Variants in MYO6 observed in about 807,000 individuals in gnomAD.
MYO6 encodes unconventional myosin-VI.
In MYO6, 74 loss-of-function variants were observed where a neutral mutation model predicts 178.7. That is an observed-to-expected ratio of 0.41 (90% CI 0.34 to 0.50). MYO6 has a LOEUF of 0.50. Ranked by LOEUF, MYO6 falls within the 20% of genes least tolerant of loss-of-function variation. The pLI, the probability that MYO6 is intolerant of heterozygous loss-of-function variation, is 0.09. For synonymous variants in MYO6, 477 were observed against 504.6 expected (o/e 0.95, Z 0.73); for missense variants, 1,330 against 1,547.4 (o/e 0.86, Z 2.36).
At chr6:75,803,959 T>A (rs920473411) in intron 1 of MYO6, among the ~76,000 whole-genome samples, 34 of 152,190 alleles carry the variant, frequency 2.2e-4, no homozygotes, top group Non-Finnish European at 3.4e-4. Context: ...AGTGGCACGA[T>A]CATGGCTCAC....
At chr6:75,794,025 A>C (rs1768522574) in intron 1 of MYO6, among the ~76,000 whole-genome samples, 1 of 152,244 alleles carries the variant, frequency 6.6e-6, no homozygotes, top group South Asian at 2.1e-4. Flanking sequence ...AAGCAGCCAG[A>C]AGTAATCAGA....
At chr6:75,753,049 T>C (rs1777032193) in intron 1 of MYO6, among the ~76,000 whole-genome samples, 1 of 152,204 alleles carries the variant, frequency 6.6e-6, no homozygotes, top group South Asian at 2.1e-4. Context: ...AAATCTTTTC[T>C]ATGGTCTGTG....
At position 75,828,521 on chromosome 6, in the gene MYO6, T is replaced by G. The variant is rs775902087; in HGVS notation, c.188-19T>G. 6 of 1,380,306 alleles carry G rather than the reference T, an allele frequency of 4.3e-6. No homozygotes were observed. The highest frequency in any genetic ancestry group is 6.2e-6 in the Non-Finnish European group (6 of 968,302). 85.5% of individuals were successfully genotyped at this position (1,380,306 alleles called of 1,614,324 possible). ...TGTTTTCTTCAATTCTCTAATGACA[T>G]ATAAATTTTATGTCTTAGGTTCACT... On this transcript the variant is annotated intron_variant, in intron 3 of 34. Transcript: ENST00000369977.
intron 1 of MYO6, among the ~76,000 whole-genome samples, chr6:75,778,360 C>T (rs1054873077): frequency 2.7e-5 from 4 of 149,824 alleles, no homozygotes; most frequent in Non-Finnish European, 3.0e-5. Context: ...TTTGGGAGGC[C>T]GAGGCAGGCG....
At chr6:75,901,119 C>T (rs1779738205) in intron 30 of MYO6, among the ~76,000 whole-genome samples, 1 of 152,128 alleles carries the variant, frequency 6.6e-6, no homozygotes, top group Admixed American at 6.6e-5. Flanking sequence ...CAGTAGCATG[C>T]TGTTATGGTT....
chr6:75,814,965 A>G (rs1771073162), intron 1 of MYO6, among the ~76,000 whole-genome samples: 1 of 152,068 alleles, frequency 6.6e-6, no homozygotes, highest in South Asian at 2.1e-4. Flanking sequence ...GTGAATATTG[A>G]GTTGCTTACT....
Position 75,871,281 on chromosome 6 carries a change from TC to T in MYO6, c.1983+597del, listed in dbSNP as rs533498197. On this transcript the variant is annotated intron_variant, in intron 19 of 34. Coordinates refer to ENST00000369977, the MANE Select transcript of MYO6 (RefSeq NM_004999.4). ...TTTTGTTTTTGAGACAAGGTCTCAT[TC>T]TCTCTCGCCCAGGCTGGAGTGCAGT... 3.0e-3 allele frequency among the ~76,000 whole-genome samples: 456 copies of T among 152,290 alleles called. 4 individuals carry two copies. The highest frequency in any genetic ancestry group is 0.011 in the African/African-American group (439 of 41,560).
intron 25 of MYO6, among the ~76,000 whole-genome samples, chr6:75,888,295 A>T (rs1778625750): frequency 6.6e-6 from 1 of 151,324 alleles, no homozygotes; most frequent in Non-Finnish European, 1.5e-5. Flanking sequence ...ATAAATAAAT[A>T]AATGATAAAA....
intron 32 of MYO6, among the ~76,000 whole-genome samples, chr6:75,910,221 A>G (rs1490922272): frequency 6.6e-6 from 1 of 152,220 alleles, no homozygotes; most frequent in Non-Finnish European, 1.5e-5. Context: ...TTTGCAAAAA[A>G]TGACAGTGAG....
rs1202597444 is a variant in MYO6 at position 75,914,880 on chromosome 6, T to C, written c.3726T>C (p.Ala1242=). The C allele has an allele frequency of 1.9e-6, 3 of 1,614,142 alleles. No homozygotes were observed. Among genetic ancestry groups the C allele is most frequent in the Non-Finnish European group, 2.5e-6 (3 of 1,180,012 alleles). ...EETGLTRKRG[A]EILPRQFEEI... is the part of the protein sequence containing the mutation. ...CTGGCCTGACTCGGAAGCGTGGTGCTGAGATCTTGCCAAGACAGTTTGAAG... is the reference window on the plus strand; with the variant it reads ...CTGGCCTGACTCGGAAGCGTGGTGCCGAGATCTTGCCAAGACAGTTTGAAG... The change falls in exon 35 of 35, where the codon GCT becomes GCC. Residue 1242 remains alanine, a synonymous_variant. Coordinates refer to ENST00000369977, the MANE Select transcript of MYO6 (RefSeq NM_004999.4).
At position 75,886,091 on chromosome 6, in the gene MYO6, C is replaced by T. The variant is rs555344095; in HGVS notation, c.2504C>T (p.Pro835Leu). 1.9e-6 allele frequency: 3 copies of T among 1,602,234 alleles called. No individual in the cohort carries two copies. Among genetic ancestry groups the T allele is most frequent in the Admixed American group, 3.3e-5 (2 of 59,990 alleles). Residue 835 changes from proline to leucine, a missense_variant, in exon 24 of 35, where the codon CCT (proline) becomes CTT (leucine). Physicochemically the swap from Pro to Leu is moderately conservative, Grantham distance 98. Coordinates refer to ENST00000369977, the MANE Select transcript of MYO6 (RefSeq NM_004999.4). ...TGGCTTTGCAAGAGGAGACACAAAC[C>T]TCGGTAAGATGAATAGTTCCTAAAA... Reference protein sequence around the residue: ...RMWLCKRRHKPRIDGLVKVGT... With the variant: ...RMWLCKRRHKLRIDGLVKVGT...
chr6:75,793,288 T>C (rs1768428377), intron 1 of MYO6, among the ~76,000 whole-genome samples: 1 of 152,184 alleles, frequency 6.6e-6, no homozygotes, highest in Non-Finnish European at 1.5e-5. Context: ...ACAATTATAT[T>C]ACTAAGGATT....
intron 1 of MYO6, among the ~76,000 whole-genome samples, chr6:75,756,178 T>C (rs968748048): frequency 1.3e-5 from 2 of 151,986 alleles, no homozygotes; most frequent in Non-Finnish European, 2.9e-5. Flanking sequence ...GAGGAATGCT[T>C]GAGCCCAGGT....
intron 32 of MYO6, among the ~76,000 whole-genome samples, chr6:75,909,215 G>A (rs1780579865): frequency 6.6e-6 from 1 of 152,100 alleles, no homozygotes; most frequent in Non-Finnish European, 1.5e-5. Context: ...AAAATTTAAT[G>A]TAGCTCAGTT....
chr6:75,906,293 G>A (rs1285311372), intron 30 of MYO6, among the ~76,000 whole-genome samples: 2 of 152,194 alleles, frequency 1.3e-5, no homozygotes, highest in African/African-American at 2.4e-5. Flanking sequence ...CTATTTGCAA[G>A]TGTAATCTTT....
intron 16 of MYO6, among the ~76,000 whole-genome samples, chr6:75,865,953 T>A (rs1776629286): frequency 6.6e-6 from 1 of 152,162 alleles, no homozygotes; most frequent in African/African-American, 2.4e-5. Flanking sequence ...GTTTAAAAGT[T>A]CTCCAGGTTG....
intron 1 of MYO6, among the ~76,000 whole-genome samples, chr6:75,759,909 A>G (rs1436089603): frequency 6.6e-6 from 1 of 152,232 alleles, no homozygotes; most frequent in Non-Finnish European, 1.5e-5. Flanking sequence ...ATACTGTTAT[A>G]CTTTGCTGAG....
At chr6:75,876,851 G>A (rs1583337259) in intron 20 of MYO6, among the ~76,000 whole-genome samples, 1 of 152,012 alleles carries the variant, frequency 6.6e-6, no homozygotes, top group South Asian at 2.1e-4. Flanking sequence ...AAATCCATAA[G>A]TTGTAGAAAT....
At chr6:75,830,100 A>G (rs1159355299) in intron 4 of MYO6, among the ~76,000 whole-genome samples, 1 of 152,202 alleles carries the variant, frequency 6.6e-6, no homozygotes, top group Non-Finnish European at 1.5e-5. Context: ...TGGTGATGCC[A>G]TGTCCCTGAG....
Sources: gnomAD v4.1 joint callset for allele counts (sites outside exome capture counted in the v4.1 genomes callset) on GRCh38, gnomAD v4.1.1 for gene constraint, MANE v1.5 for transcripts, NCBI Gene and HGNC (gene_info 2026-07-23, HGNC 2026-07-21) for gene names.